The following AOPEP variants were observed in gnomAD, a reference collection of about 807,000 sequenced individuals.
AOPEP encodes the protein aminopeptidase O (putative).
Under a neutral mutation model 98.1 loss-of-function variants are expected in AOPEP, and 77 were observed. That is an observed-to-expected ratio of 0.78 (90% confidence interval 0.65 to 0.95). The LOEUF (loss-of-function observed/expected upper bound fraction) is 0.95, where lower values mean the gene tolerates loss of function less well. Among genes scored for constraint, AOPEP ranks in the 40% least tolerant of loss-of-function variants. The probability of loss-of-function intolerance (pLI) is 0.00; values close to 1 mark genes in which losing one functional copy is unlikely to be tolerated. For synonymous variants in AOPEP, 346 were observed against 365.3 expected (o/e 0.95, Z 0.60); for missense variants, 1,024 against 1,024.7 (o/e 1.00, Z 0.01).
intron 6 of AOPEP, among the ~76,000 whole-genome samples, chr9:94,927,658 T>C (rs900244349): frequency 6.6e-6 from 1 of 152,218 alleles, no homozygotes; most frequent in Non-Finnish European, 1.5e-5. Flanking sequence ...CTGATGTTAG[T>C]GTTCCTGCCC....
At chr9:94,763,394 A>C (rs1204099463) in intron 2 of AOPEP, 1 of 201,686 alleles carries the variant, frequency 5.0e-6, no homozygotes, top group South Asian at 7.4e-5. Flanking sequence ...CCAGCTGAGA[A>C]TAAAACTTGT....
At chr9:94,915,529 C>T (rs1018158423) in intron 5 of AOPEP, among the ~76,000 whole-genome samples, 4 of 152,066 alleles carry the variant, frequency 2.6e-5, no homozygotes, top group Admixed American at 6.6e-5. Context: ...GCCTCCACCC[C>T]GACGTCCTGC....
At chr9:94,839,464 C>T (rs954498698) in intron 5 of AOPEP, among the ~76,000 whole-genome samples, 2 of 152,094 alleles carry the variant, frequency 1.3e-5, no homozygotes, top group African/African-American at 4.8e-5. Flanking sequence ...ACCTCATGAT[C>T]TGCCCATCTC....
intron 13 of AOPEP, among the ~76,000 whole-genome samples, chr9:95,048,361 T>A (rs1193611156): frequency 6.6e-6 from 1 of 152,146 alleles, no homozygotes; most frequent in Non-Finnish European, 1.5e-5. Flanking sequence ...GGTTTGTACC[T>A]TGTTGAAGTG....
the AOPEP span, among the ~76,000 whole-genome samples, chr9:95,116,896 C>G: frequency 8.6e-3 from 1,310 of 152,292 alleles, 22 homozygotes; most frequent in African/African-American, 0.03. Flanking sequence ...TCCTCAGCTT[C>G]ATCCATCATT....
chr9:95,125,631 T>G, the AOPEP span, among the ~76,000 whole-genome samples: 1 of 152,228 alleles, frequency 6.6e-6, no homozygotes, highest in African/African-American at 2.4e-5. Context: ...ACAATTAATT[T>G]TTCTTTATGT....
chr9:94,961,834 G>A (rs551008842), intron 9 of AOPEP, among the ~76,000 whole-genome samples: 1 of 146,022 alleles, frequency 6.8e-6, no homozygotes, highest in East Asian at 1.9e-4. Flanking sequence ...TATGTGAGTT[G>A]TTGTTGTGTT....
intron 13 of AOPEP, among the ~76,000 whole-genome samples, chr9:95,027,274 TAATAA>T (rs570013793): frequency 9.5e-4 from 145 of 152,198 alleles, no homozygotes; most frequent in Middle Eastern, 3.4e-3. Flanking sequence ...TCTCAAAAAA[TAATAA>T]AATAAAATAG....
At chr9:95,124,028 TG>T in the AOPEP span, among the ~76,000 whole-genome samples, 1 of 144,742 alleles carries the variant, frequency 6.9e-6, no homozygotes, top group African/African-American at 2.6e-5. Flanking sequence ...CACCTGAGCT[TG>T]GGGGGTTGAG....
chr9:95,026,378 A>G (rs776815744), intron 13 of AOPEP, among the ~76,000 whole-genome samples: 1 of 152,208 alleles, frequency 6.6e-6, no homozygotes, highest in Non-Finnish European at 1.5e-5. Context: ...TCCCTAGGCA[A>G]CCTGTAAATC....
At chr9:95,072,649 A>C (rs1035487547) in intron 14 of AOPEP, among the ~76,000 whole-genome samples, 1 of 152,178 alleles carries the variant, frequency 6.6e-6, no homozygotes, top group East Asian at 1.9e-4. Context: ...TATTATTTTA[A>C]AAAAGAGATT....
chr9:94,782,728 G>A (rs368053975), intron 3 of AOPEP, among the ~76,000 whole-genome samples: 1 of 152,184 alleles, frequency 6.6e-6, no homozygotes, highest in African/African-American at 2.4e-5. Flanking sequence ...TTTATTCCAC[G>A]CCAGTACACA....
chr9:94,811,338 G>T (rs1588337691), intron 5 of AOPEP, among the ~76,000 whole-genome samples: 1 of 152,288 alleles, frequency 6.6e-6, no homozygotes, highest in East Asian at 1.9e-4. Flanking sequence ...CAGGCATGAG[G>T]TCCCTGGATT....
At chr9:95,124,625 T>A in the AOPEP span, among the ~76,000 whole-genome samples, 1 of 152,216 alleles carries the variant, frequency 6.6e-6, no homozygotes, top group African/African-American at 2.4e-5. Context: ...CAATTCACAT[T>A]TGGGTCTCTG....
the AOPEP span, chr9:95,111,257 T>C: frequency 6.5e-7 from 1 of 1,544,308 alleles, no homozygotes; most frequent in South Asian, 1.2e-5. Context: ...CAGCGTCTCG[T>C]CTCTGGCCAC....
intron 5 of AOPEP, among the ~76,000 whole-genome samples, chr9:94,910,336 C>T (rs1447386036): frequency 6.6e-6 from 1 of 152,200 alleles, no homozygotes; most frequent in East Asian, 1.9e-4. Flanking sequence ...GCATCCAGCA[C>T]CTGTGGCAGA....
chr9:94,771,745 G>GC (rs141795736), intron 2 of AOPEP, among the ~76,000 whole-genome samples: 13,479 of 152,068 alleles, frequency 0.089, 710 homozygotes, highest in African/African-American at 0.13. Flanking sequence ...CCCCTGGACA[G>GC]TCCCCACTGT....
chr9:95,059,639 A>G (rs1356023066), intron 13 of AOPEP, among the ~76,000 whole-genome samples: 1 of 152,286 alleles, frequency 6.6e-6, no homozygotes, highest in African/African-American at 2.4e-5. Flanking sequence ...AAATTGTTTT[A>G]GAACACCAGA....
At chr9:95,068,854 T>C (rs1184999066) in intron 14 of AOPEP, among the ~76,000 whole-genome samples, 1 of 152,126 alleles carries the variant, frequency 6.6e-6, no homozygotes, top group Non-Finnish European at 1.5e-5. Context: ...GTTTCTTTCA[T>C]GGAGTAAAAC....
Sources: allele counts gnomAD v4.1 joint callset (sites outside exome capture counted in the v4.1 genomes callset), GRCh38; gene constraint gnomAD v4.1.1; transcripts MANE v1.5; gene names NCBI Gene and HGNC (gene_info 2026-07-23, HGNC 2026-07-21).